The following PAK3 variants were observed in gnomAD, a reference collection of about 807,000 sequenced individuals.
PAK3 encodes serine/threonine-protein kinase PAK 3.
In PAK3, 4 loss-of-function variants were observed where a neutral mutation model predicts 41.0. That is an observed-to-expected ratio of 0.10 (90% CI 0.05 to 0.22). The LOEUF is 0.22. Ranked by LOEUF, PAK3 falls within the 10% of genes least tolerant of loss-of-function variation. The pLI is 1.00. For synonymous variants in PAK3, 146 were observed against 139.6 expected, an observed-to-expected ratio of 1.05 and a Z score of -0.32; for missense variants, 205 against 409.9, an observed-to-expected ratio of 0.50 and a Z score of 4.32.
intron 1 of PAK3, among the ~76,000 whole-genome samples, chrX:110,992,276 A>G (rs2091662953): frequency 9.0e-6 from 1 of 111,597 alleles, no homozygotes; most frequent in African/African-American, 3.3e-5. Context: ...CAAGAAGCCC[A>G]TGTTGCAGCA....
At chrX:111,214,732 T>C (rs1032920238) in intron 16 of PAK3, among the ~76,000 whole-genome samples, 1 of 109,012 alleles carries the variant, frequency 9.2e-6, no homozygotes, top group Non-Finnish European at 1.9e-5. Flanking sequence ...TCTGTGGGAG[T>C]TGCTAAAAAC....
chrX:111,002,408 A>G (rs2091862640), intron 1 of PAK3, among the ~76,000 whole-genome samples: 1 of 111,815 alleles, frequency 8.9e-6, no homozygotes, highest in African/African-American at 3.2e-5. Context: ...TAAGGGATGC[A>G]GGACACACAT....
chrX:111,213,284 T>A (rs1166353183), intron 16 of PAK3, among the ~76,000 whole-genome samples: 6 of 112,120 alleles, frequency 5.4e-5, no homozygotes, highest in Non-Finnish European at 1.1e-4. Context: ...TTCGTAGCAC[T>A]GGCTCTTCAT....
chrX:111,150,901 C>T (rs7059294), intron 7 of PAK3, among the ~76,000 whole-genome samples: 5,719 of 111,457 alleles, frequency 0.051, 382 homozygotes, highest in African/African-American at 0.18. Flanking sequence ...CTATAAAGAG[C>T]CCTTACCTCT....
intron 1 of PAK3, among the ~76,000 whole-genome samples, chrX:111,002,523 C>T (rs2091864463): frequency 8.9e-6 from 1 of 111,748 alleles, no homozygotes; most frequent in Admixed American, 9.5e-5. Context: ...GCATGTGGGG[C>T]AGCTGGAGCT....
chrX:111,177,491 A>G (rs2094418442), intron 11 of PAK3, among the ~76,000 whole-genome samples: 1 of 111,842 alleles, frequency 8.9e-6, no homozygotes, highest in East Asian at 2.8e-4. Context: ...AAAGTGTTCT[A>G]TAATTGGCTA....
At chrX:111,047,051 A>T (rs1205058396) in intron 1 of PAK3, among the ~76,000 whole-genome samples, 2 of 112,240 alleles carry the variant, frequency 1.8e-5, no homozygotes, top group Non-Finnish European at 3.8e-5. Flanking sequence ...ATGGCCTCTG[A>T]GGTAAATGCC....
At chrX:111,015,228 T>C (rs2092070215) in intron 1 of PAK3, among the ~76,000 whole-genome samples, 1 of 110,629 alleles carries the variant, frequency 9.0e-6, no homozygotes, top group Admixed American at 9.6e-5. Context: ...GCTTCTTTCA[T>C]TTATCATAAT....
intron 1 of PAK3, among the ~76,000 whole-genome samples, chrX:110,970,584 C>T (rs1439506552): frequency 9.0e-6 from 1 of 110,698 alleles, no homozygotes; most frequent in African/African-American, 3.3e-5. Flanking sequence ...ACATCACACA[C>T]CAGGGCCTGC....
chrX:110,965,209 A>T (rs2148619787), intron 1 of PAK3, among the ~76,000 whole-genome samples: 1 of 111,815 alleles, frequency 8.9e-6, no homozygotes, highest in South Asian at 3.8e-4. Flanking sequence ...GGCCTTGGGG[A>T]GGTGGGTTTG....
intron 3 of PAK3, among the ~76,000 whole-genome samples, chrX:111,101,629 A>G (rs1224296902): frequency 6.3e-5 from 7 of 111,706 alleles, no homozygotes; most frequent in African/African-American, 2.0e-4. Context: ...GGGCTTCTTG[A>G]GGCCATTCTT....
chrX:111,204,068 G>A (rs2094712576), intron 16 of PAK3, among the ~76,000 whole-genome samples: 1 of 111,401 alleles, frequency 9.0e-6, no homozygotes, highest in Non-Finnish European at 1.9e-5. Flanking sequence ...GAATAACAGG[G>A]TTCCTTTTTA....
intron 11 of PAK3, among the ~76,000 whole-genome samples, chrX:111,186,681 A>G (rs6642875): frequency 0.12 from 13,358 of 111,419 alleles, 1,618 homozygotes; most frequent in African/African-American, 0.37. Context: ...AATAGGAAGA[A>G]TCAATATCGT....
intron 1 of PAK3, among the ~76,000 whole-genome samples, chrX:111,023,706 G>T (rs996598815): frequency 1.8e-5 from 2 of 111,998 alleles, no homozygotes; most frequent in Non-Finnish European, 3.8e-5. Flanking sequence ...AGAAGGGTCT[G>T]TTCATATCCT....
chrX:110,987,066 A>G (rs933512622), intron 1 of PAK3, among the ~76,000 whole-genome samples: 2 of 111,742 alleles, frequency 1.8e-5, no homozygotes, highest in Non-Finnish European at 3.8e-5. Flanking sequence ...ATTGGCAAAG[A>G]TTGGTCCAGT....
chrX:111,068,205 C>T (rs1277332437), intron 1 of PAK3, among the ~76,000 whole-genome samples: 1 of 111,643 alleles, frequency 9.0e-6, no homozygotes, highest in East Asian at 2.8e-4. Context: ...AAAACAGTCT[C>T]GTTTTATGGA....
chrX:111,125,566 G>C (rs187469538), intron 5 of PAK3, among the ~76,000 whole-genome samples: 11 of 111,488 alleles, frequency 9.9e-5, no homozygotes, highest in Non-Finnish European at 2.1e-4. Flanking sequence ...ATTAAAATTG[G>C]CATCTTTACA....
intron 1 of PAK3, among the ~76,000 whole-genome samples, chrX:111,030,468 G>A (rs2092327027): frequency 8.9e-6 from 1 of 112,153 alleles, no homozygotes; most frequent in African/African-American, 3.2e-5. Flanking sequence ...CACTCCCTTT[G>A]AGAGACTACA....
chrX:111,028,780 T>C (rs2092306320), intron 1 of PAK3, among the ~76,000 whole-genome samples: 1 of 111,882 alleles, frequency 8.9e-6, no homozygotes, highest in Non-Finnish European at 1.9e-5. Context: ...ATCCCCAATA[T>C]ACAGATGAGG....
Sources: allele counts gnomAD v4.1 joint callset (sites outside exome capture counted in the v4.1 genomes callset), GRCh38; gene constraint gnomAD v4.1.1; transcripts MANE v1.5; gene names NCBI Gene and HGNC (gene_info 2026-07-23, HGNC 2026-07-21).